The following PTPRD variants were observed in gnomAD, a reference collection of about 807,000 sequenced individuals.
The protein encoded by PTPRD is receptor-type tyrosine-protein phosphatase delta.
A neutral mutation model predicts 214.5 loss-of-function variants in PTPRD; 34 were observed. The observed-to-expected ratio is 0.16, with a 90% CI of 0.12 to 0.21. The LOEUF is 0.21. PTPRD is among the 10% of genes least tolerant of loss of function. The pLI, the probability that PTPRD is intolerant of heterozygous loss-of-function variation, is 1.00. For missense variants in PTPRD, 2,545 were observed against 2,398.7 expected, an observed-to-expected ratio of 1.06 and a Z score of -1.27; for synonymous variants, 1,128 against 845.7, an observed-to-expected ratio of 1.33 and a Z score of -5.79.
At chr9:9,695,732 T>C (rs2154407201) in intron 7 of PTPRD, among the ~76,000 whole-genome samples, 1 of 152,314 alleles carries the variant, frequency 6.6e-6, no homozygotes, top group East Asian at 1.9e-4. Context: ...ACCATTCTTG[T>C]ATCCCTGGAT....
chr9:8,453,527 A>G (rs2096054836), intron 33 of PTPRD, among the ~76,000 whole-genome samples: 1 of 152,348 alleles, frequency 6.6e-6, no homozygotes, highest in Non-Finnish European at 1.5e-5. Context: ...AAACAAAAAC[A>G]AACTATTTTG....
chr9:8,700,324 C>T (rs982879540), intron 12 of PTPRD, among the ~76,000 whole-genome samples: 3 of 152,164 alleles, frequency 2.0e-5, no homozygotes, highest in African/African-American at 7.2e-5. Flanking sequence ...GAGTAGTCAG[C>T]ATAAAGGAAT....
At chr9:8,574,960 CAAAT>C (rs566928487) in intron 14 of PTPRD, among the ~76,000 whole-genome samples, 8 of 151,950 alleles carry the variant, frequency 5.3e-5, no homozygotes, top group African/African-American at 1.2e-4. Context: ...TAAATAAAGA[CAAAT>C]AAAAGCAAAT....
At chr9:8,692,914 T>G (rs918800075) in intron 12 of PTPRD, among the ~76,000 whole-genome samples, 6 of 152,216 alleles carry the variant, frequency 3.9e-5, no homozygotes, top group African/African-American at 1.4e-4. Context: ...GTAAACTAAA[T>G]TCACTACTCA....
intron 14 of PTPRD, among the ~76,000 whole-genome samples, chr9:8,585,179 A>C (rs1382126701): frequency 1.3e-5 from 2 of 152,234 alleles, no homozygotes; most frequent in Non-Finnish European, 2.9e-5. Flanking sequence ...CAAATATGAA[A>C]TATGAAATTC....
intron 11 of PTPRD, among the ~76,000 whole-genome samples, chr9:8,898,163 T>C (rs2098635633): frequency 6.6e-6 from 1 of 152,198 alleles, no homozygotes; most frequent in South Asian, 2.1e-4. Flanking sequence ...AACTCTTATG[T>C]ATGATTTGTA....
chr9:8,382,780 G>T (rs528443690), intron 37 of PTPRD, among the ~76,000 whole-genome samples: 1 of 152,102 alleles, frequency 6.6e-6, no homozygotes, highest in Non-Finnish European at 1.5e-5. Flanking sequence ...GACTCCAAAG[G>T]CAATGTTTGT....
intron 8 of PTPRD, among the ~76,000 whole-genome samples, chr9:9,497,269 C>G (rs1014881784): frequency 6.6e-6 from 1 of 152,008 alleles, no homozygotes; most frequent in Non-Finnish European, 1.5e-5. Context: ...TGTATTTTAC[C>G]TCAATTTAAA....
intron 11 of PTPRD, among the ~76,000 whole-genome samples, chr9:8,836,831 C>T (rs939526406): frequency 6.6e-6 from 1 of 151,616 alleles, no homozygotes; most frequent in Non-Finnish European, 1.5e-5. Flanking sequence ...CTCCTGACCT[C>T]GTGATCCACC....
chr9:8,734,008 C>T, intron 11 of PTPRD, 62 bp from the exon 12 acceptor site: 1 of 653,890 alleles, frequency 1.5e-6, no homozygotes, highest in East Asian at 2.7e-5. Flanking sequence ...AGATTTCTTA[C>T]TCTTTCCCCC....
intron 39 of PTPRD, among the ~76,000 whole-genome samples, chr9:8,353,910 G>GTGTATATATGTATATATGTATATATGTA (rs2076269323): frequency 9.9e-6 from 1 of 100,748 alleles, no homozygotes; most frequent in Non-Finnish European, 2.2e-5. Context: ...GTATATATGT[G>GTGTATATATGTATATATGTATATATGTA]TATATATGTA....
intron 7 of PTPRD, among the ~76,000 whole-genome samples, chr9:9,710,524 C>A (rs1259488831): frequency 4.0e-5 from 6 of 151,880 alleles, no homozygotes; most frequent in Non-Finnish European, 8.8e-5. Flanking sequence ...AATTGGAAAG[C>A]AACTCATGGT....
intron 14 of PTPRD, among the ~76,000 whole-genome samples, chr9:8,559,179 T>G (rs2085173204): frequency 6.6e-6 from 1 of 152,202 alleles, no homozygotes; most frequent in Admixed American, 6.5e-5. Context: ...AGAAATAAGT[T>G]CTAGCATTCA....
intron 34 of PTPRD, among the ~76,000 whole-genome samples, chr9:8,444,825 G>C (rs1167589270): frequency 6.6e-6 from 1 of 152,144 alleles, no homozygotes; most frequent in Non-Finnish European, 1.5e-5. Context: ...AAGAAAGAAA[G>C]AGAAAACTTT....
At chr9:9,725,734 G>C (rs994645610) in intron 7 of PTPRD, among the ~76,000 whole-genome samples, 5 of 152,148 alleles carry the variant, frequency 3.3e-5, no homozygotes, top group Non-Finnish European at 5.9e-5. Flanking sequence ...CATTTGAGAA[G>C]TTTTCTGTGG....
intron 11 of PTPRD, among the ~76,000 whole-genome samples, chr9:8,772,169 T>A (rs2095256676): frequency 6.6e-6 from 1 of 152,062 alleles, no homozygotes; most frequent in African/African-American, 2.4e-5. Context: ...ACACAGATTT[T>A]GAGGCCAGAA....
chr9:10,588,549 T>C (rs1043769049), intron 2 of PTPRD, among the ~76,000 whole-genome samples: 2 of 151,840 alleles, frequency 1.3e-5, no homozygotes, highest in Non-Finnish European at 2.9e-5. Flanking sequence ...CTCATACTAT[T>C]GATATTAGAA....
chr9:8,610,885 A>G (rs1318752762), intron 14 of PTPRD, among the ~76,000 whole-genome samples: 2 of 152,338 alleles, frequency 1.3e-5, no homozygotes, highest in East Asian at 3.9e-4. Context: ...GCCCCAGAAA[A>G]ATAACTTTAC....
At chr9:8,940,066 G>GA (rs35415741) in intron 11 of PTPRD, among the ~76,000 whole-genome samples, 71,129 of 147,204 alleles carry the variant, frequency 0.48, 17,479 homozygotes, top group African/African-American at 0.52. Flanking sequence ...AATAAGTTTG[G>GA]AAAAAAAAAA....
Sources: allele counts gnomAD v4.1 joint callset (sites outside exome capture counted in the v4.1 genomes callset), GRCh38; gene constraint gnomAD v4.1.1; transcripts MANE v1.5; gene names NCBI Gene and HGNC (gene_info 2026-07-23, HGNC 2026-07-21).